The following FAM13C variants were observed in gnomAD, a reference collection of about 807,000 sequenced individuals.
FAM13C encodes family with sequence similarity 13 member C, also known as protein FAM13C.
FAM13C carries 37 observed loss-of-function variants against 73.2 expected under a neutral mutation model. That is an observed-to-expected ratio of 0.51 (90% CI 0.39 to 0.67). FAM13C has a LOEUF of 0.67. Among genes scored for constraint, FAM13C ranks in the 30% least tolerant of loss-of-function variants. The pLI, the probability that FAM13C is intolerant of heterozygous loss-of-function variation, is 0.00. For synonymous variants in FAM13C, 246 were observed against 260.9 expected (o/e 0.94, Z 0.55); for missense variants, 589 against 715.6 (o/e 0.82, Z 2.02).
chr10:59,319,992 G>A (rs898059772), intron 4 of FAM13C, among the ~76,000 whole-genome samples: 8 of 152,132 alleles, frequency 5.3e-5, no homozygotes, highest in African/African-American at 1.9e-4. Context: ...TTAGCTCCAG[G>A]GAGCTACAGA....
chr10:59,261,434 T>C (rs1842492416), intron 10 of FAM13C, among the ~76,000 whole-genome samples: 1 of 152,160 alleles, frequency 6.6e-6, no homozygotes, highest in Non-Finnish European at 1.5e-5. Context: ...TACCAGGTAA[T>C]GTACAATAGA....
chr10:59,358,769 A>G (rs1856030378), intron 1 of FAM13C, among the ~76,000 whole-genome samples: 2 of 152,238 alleles, frequency 1.3e-5, no homozygotes, highest in African/African-American at 4.8e-5. Context: ...GCACCAAAAC[A>G]TACAAAGTTG....
intron 3 of FAM13C, among the ~76,000 whole-genome samples, chr10:59,335,121 C>G (rs1254866261): frequency 6.6e-6 from 1 of 152,150 alleles, no homozygotes; most frequent in Non-Finnish European, 1.5e-5. Flanking sequence ...GCCTCTATGT[C>G]TAATTTCCCA....
chr10:59,258,631 G>T (rs2446722), intron 10 of FAM13C, among the ~76,000 whole-genome samples: 114,936 of 152,064 alleles, frequency 0.76, 45,351 homozygotes, highest in East Asian at 0.9. Context: ...CAGTTGGTTT[G>T]GGAAGGAGTC....
intron 5 of FAM13C, among the ~76,000 whole-genome samples, chr10:59,299,594 A>C (rs537450500): frequency 2.6e-5 from 4 of 151,996 alleles, no homozygotes; most frequent in Non-Finnish European, 5.9e-5. Context: ...TGAAGCAAGG[A>C]ATGTGATCTA....
At chr10:59,334,923 A>C (rs1436552890) in intron 3 of FAM13C, among the ~76,000 whole-genome samples, 1 of 152,200 alleles carries the variant, frequency 6.6e-6, no homozygotes, top group African/African-American at 2.4e-5. Context: ...AAAAGACTTT[A>C]ATGTTAGATA....
chr10:59,293,667 G>A (rs555277638), intron 5 of FAM13C, among the ~76,000 whole-genome samples: 2 of 152,214 alleles, frequency 1.3e-5, no homozygotes, highest in South Asian at 4.1e-4. Context: ...ATAACCTTCA[G>A]AAGGCCAAAA....
At chr10:59,300,698 G>C (rs1237347145) in intron 5 of FAM13C, 1 of 152,148 alleles carries the variant, frequency 6.6e-6, no homozygotes, top group Non-Finnish European at 1.5e-5. Context: ...TACCAAACAT[G>C]AATGACCCTC....
At chr10:59,312,954 A>G (rs1431155604) in intron 4 of FAM13C, among the ~76,000 whole-genome samples, 1 of 152,108 alleles carries the variant, frequency 6.6e-6, no homozygotes, top group African/African-American at 2.4e-5. Context: ...TACTGATTTC[A>G]TCTGTTCAGC....
chr10:59,291,156 C>T lies in FAM13C; in HGVS notation c.508-7709G>A, dbSNP rs1429674048. Among the ~76,000 whole-genome samples the T allele has an allele frequency of 3.9e-5, 6 of 152,290 alleles. No homozygotes were observed. In the East Asian group the frequency reaches 1.2e-3, roughly 30 times the overall value. On this transcript the variant is annotated intron_variant, in intron 5 of 13. Transcript: ENST00000618804. ...CTCTGAGCCCCAGCCCTCTGACTCC[C>T]TCATTGCCTTTTTATCCTTCGGTTG...
intron 3 of FAM13C, among the ~76,000 whole-genome samples, chr10:59,328,189 C>T (rs1851439587): frequency 6.6e-6 from 1 of 152,156 alleles, no homozygotes; most frequent in Admixed American, 6.5e-5. Flanking sequence ...GAAAGCTGTC[C>T]ATGAAGCAAA....
At chr10:59,341,346 C>T (rs1230542713) in intron 3 of FAM13C, among the ~76,000 whole-genome samples, 1 of 152,176 alleles carries the variant, frequency 6.6e-6, no homozygotes, top group Non-Finnish European at 1.5e-5. Flanking sequence ...TATTGTAGCT[C>T]AGCATGTTAA....
upstream of FAM13C, chr10:59,362,692 C>T: frequency 1.0e-6 from 1 of 958,524 alleles, no homozygotes; most frequent in Non-Finnish European, 1.5e-6. Flanking sequence ...GGGCGGGGCG[C>T]GGCGGCGGGG....
Position 59,309,335 on chromosome 10 carries a change from C to T in FAM13C, c.444-6471G>A, listed in dbSNP as rs571970542. Among the ~76,000 whole-genome samples the T allele has an allele frequency of 2.6e-5, 4 of 152,272 alleles. No homozygotes were observed. In the South Asian group the frequency reaches 6.2e-4, roughly 24 times the overall value. ...CTCCCTACTTCCCCTCTACCCTCCT[C>T]AGGCCACCGTTCACACAAGATCTTT... On this transcript the variant is annotated intron_variant, in intron 4 of 13. Coordinates refer to ENST00000618804, the MANE Select transcript of FAM13C (RefSeq NM_198215.4).
Position 59,254,410 on chromosome 10 carries a change from G to A in FAM13C, c.1270C>T (p.Leu424Phe). Residue 424 changes from leucine to phenylalanine, a missense_variant, in exon 11 of 14, where the codon CTT becomes TTT. Physicochemically the swap from Leu to Phe is conservative, Grantham distance 22. Coordinates refer to ENST00000618804, the MANE Select transcript of FAM13C (RefSeq NM_198215.4). ...TTGATAATTCTGTATCGGTCATAAAGCGGCTTTATGAGGTTCTTGTCTTGC... is the reference window on the plus strand; with the variant it reads ...TTGATAATTCTGTATCGGTCATAAAACGGCTTTATGAGGTTCTTGTCTTGC... ...TKQDKNLIKP[L>F]YDRYRIIKQI... The A allele has an allele frequency of 6.4e-7, 1 of 1,559,152 alleles. No individual in the cohort carries two copies. The highest frequency in any genetic ancestry group is 8.7e-7 in the Non-Finnish European group (1 of 1,151,816).
intron 4 of FAM13C, among the ~76,000 whole-genome samples, chr10:59,320,633 C>A (rs747487115): frequency 7.2e-5 from 11 of 152,174 alleles, no homozygotes; most frequent in Non-Finnish European, 1.3e-4. Context: ...AGCACAGCCA[C>A]ATGGTGGAAG....
chr10:59,352,337 T>A lies in FAM13C; in HGVS notation c.257A>T (p.Asn86Ile). 6.2e-7 allele frequency: 1 copy of A among 1,614,212 alleles called. No homozygotes were observed. The highest frequency in any genetic ancestry group is 8.5e-7 in the Non-Finnish European group (1 of 1,180,048). The change falls in exon 3 of 14, where the codon AAC becomes ATC. Residue 86 changes from asparagine to isoleucine, a missense_variant. Transcript: ENST00000618804. ...VDSVLRPSMG[N>I]FKSRKPKSIF... ...GGACTTGGGCTTCCTGGACTTGAAGTTGCCCATGCTGGGTCGCAATACGCT... is the reference window on the plus strand; with the variant it reads ...GGACTTGGGCTTCCTGGACTTGAAGATGCCCATGCTGGGTCGCAATACGCT...
At chr10:59,343,482 C>T (rs1328237982) in intron 3 of FAM13C, among the ~76,000 whole-genome samples, 3 of 151,938 alleles carry the variant, frequency 2.0e-5, no homozygotes, top group African/African-American at 7.2e-5. Flanking sequence ...GTCATTAGTG[C>T]TATTGTCCAG....
chr10:59,313,689 A>C (rs549060028), intron 4 of FAM13C, among the ~76,000 whole-genome samples: 130 of 152,310 alleles, frequency 8.5e-4, no homozygotes, highest in Non-Finnish European at 1.6e-3. Context: ...TCTAGCTTAA[A>C]GATGTGCAGA....
Sources: gnomAD v4.1 joint callset for allele counts (sites outside exome capture counted in the v4.1 genomes callset) on GRCh38, gnomAD v4.1.1 for gene constraint, MANE v1.5 for transcripts, NCBI Gene and HGNC (gene_info 2026-07-23, HGNC 2026-07-21) for gene names.